The following NRXN3 variants were observed in gnomAD, a reference collection of about 807,000 sequenced individuals.
NRXN3 encodes the protein neurexin III.
NRXN3 carries 32 observed loss-of-function variants against 137.6 expected under a neutral mutation model. The ratio of observed to expected loss-of-function variants is 0.23; its 90% confidence interval spans 0.18 to 0.31. The LOEUF is 0.31. NRXN3 is among the 10% of genes least tolerant of loss of function. The pLI is 1.00. For synonymous variants in NRXN3, 798 were observed against 784.5 expected (o/e 1.02, Z -0.29); for missense variants, 1,574 against 2,062.5 (o/e 0.76, Z 4.59).
intron 3 of NRXN3, chr14:78,279,426 A>T (rs993599369): frequency 1.3e-5 from 2 of 152,246 alleles, no homozygotes; most frequent in African/African-American, 2.4e-5. Flanking sequence ...TGGTTTGGAG[A>T]CTATTCTGAA....
intron 6 of NRXN3, among the ~76,000 whole-genome samples, chr14:78,655,300 G>A (rs2097775924): frequency 6.6e-6 from 1 of 152,058 alleles, no homozygotes; most frequent in Non-Finnish European, 1.5e-5. Flanking sequence ...CAATGTTTTT[G>A]CTTATAATAA....
At chr14:79,782,847 T>C (rs2099118095) in intron 19 of NRXN3, among the ~76,000 whole-genome samples, 1 of 152,190 alleles carries the variant, frequency 6.6e-6, no homozygotes, top group African/African-American at 2.4e-5. Context: ...CCCCCTACAT[T>C]ATGACACACT....
At chr14:79,670,910 T>C (rs2098603936) in intron 17 of NRXN3, among the ~76,000 whole-genome samples, 1 of 152,124 alleles carries the variant, frequency 6.6e-6, no homozygotes, top group South Asian at 2.1e-4. Context: ...AGATTTTCCA[T>C]CTTGCTTTCT....
chr14:79,155,821 A>G (rs2153046454), intron 15 of NRXN3, among the ~76,000 whole-genome samples: 1 of 151,956 alleles, frequency 6.6e-6, no homozygotes, highest in African/African-American at 2.4e-5. Context: ...TTGCATAAGT[A>G]TAATTTGGAA....
chr14:78,599,850 A>G (rs1266955192), intron 4 of NRXN3, among the ~76,000 whole-genome samples: 2 of 152,246 alleles, frequency 1.3e-5, no homozygotes, highest in East Asian at 1.9e-4. Context: ...AAAGGGTCCC[A>G]TGAAAAGCTT....
intron 4 of NRXN3, among the ~76,000 whole-genome samples, chr14:78,609,997 ATG>A (rs1478180202): frequency 1.3e-5 from 2 of 149,532 alleles, no homozygotes; most frequent in East Asian, 4.1e-4. Flanking sequence ...ATGTAACAGA[ATG>A]TGAGATAGAG....
chr14:79,852,380 T>TA (rs1182529111), intron 20 of NRXN3, among the ~76,000 whole-genome samples: 2 of 151,966 alleles, frequency 1.3e-5, no homozygotes, highest in Non-Finnish European at 2.9e-5. Context: ...CTCCTACCCC[T>TA]AAACTGGTTT....
intron 15 of NRXN3, among the ~76,000 whole-genome samples, chr14:79,355,952 A>G (rs1017328655): frequency 1.3e-5 from 2 of 152,170 alleles, no homozygotes; most frequent in Admixed American, 6.5e-5. Flanking sequence ...GATATAATTT[A>G]TATGTGTTAT....
At chr14:78,980,362 G>A (rs1345805229) in intron 14 of NRXN3, among the ~76,000 whole-genome samples, 3 of 152,208 alleles carry the variant, frequency 2.0e-5, no homozygotes, top group Admixed American at 1.3e-4. Flanking sequence ...TGCTGCTTTA[G>A]CACTATTTAT....
intron 4 of NRXN3, among the ~76,000 whole-genome samples, chr14:78,363,589 A>C (rs959656663): frequency 6.6e-6 from 1 of 152,186 alleles, no homozygotes; most frequent in African/African-American, 2.4e-5. Flanking sequence ...ACTTGAACTC[A>C]GCCCTGACTT....
At chr14:78,653,742 C>CACACACACACACAT (rs1267331821) in intron 6 of NRXN3, among the ~76,000 whole-genome samples, 1 of 150,894 alleles carries the variant, frequency 6.6e-6, no homozygotes, top group African/African-American at 2.5e-5. Flanking sequence ...CACACACACA[C>CACACACACACACAT]ATTTTTGCTG....
intron 4 of NRXN3, among the ~76,000 whole-genome samples, chr14:78,309,106 C>G (rs1427620450): frequency 1.3e-5 from 2 of 152,032 alleles, no homozygotes; most frequent in African/African-American, 4.8e-5. Flanking sequence ...TGCGTATTGA[C>G]TGGGTAAGTT....
At chr14:78,179,828 G>GTTTTTTTTTTTT (rs2059635345) in intron 1 of NRXN3, among the ~76,000 whole-genome samples, 1 of 107,678 alleles carries the variant, frequency 9.3e-6, no homozygotes, top group Non-Finnish European at 2.0e-5. Flanking sequence ...TTTTTTGTTT[G>GTTTTTTTTTTTT]TTTCTGTTTT....
chr14:79,561,695 T>A (rs1357429878), intron 16 of NRXN3, among the ~76,000 whole-genome samples: 1 of 152,136 alleles, frequency 6.6e-6, no homozygotes, highest in Non-Finnish European at 1.5e-5. Context: ...TCCTCATGCT[T>A]TCATCAAAAG....
intron 4 of NRXN3, among the ~76,000 whole-genome samples, chr14:78,571,053 G>C (rs1035767457): frequency 1.3e-5 from 2 of 152,224 alleles, no homozygotes; most frequent in Non-Finnish European, 2.9e-5. Context: ...ATCCTGTGAT[G>C]TTGGCCTCAC....
At chr14:78,671,755 G>A (rs969373945) in intron 6 of NRXN3, among the ~76,000 whole-genome samples, 2 of 151,844 alleles carry the variant, frequency 1.3e-5, no homozygotes, top group African/African-American at 4.8e-5. Flanking sequence ...AGTTTGATTG[G>A]CTCACCATCT....
At chr14:78,345,349 G>A (rs890829238) in intron 4 of NRXN3, among the ~76,000 whole-genome samples, 4 of 152,300 alleles carry the variant, frequency 2.6e-5, no homozygotes, top group Non-Finnish European at 4.4e-5. Flanking sequence ...AATGTAAATC[G>A]CACAAGGAAG....
chr14:79,185,537 C>G, intron 15 of NRXN3, among the ~76,000 whole-genome samples: 1 of 149,886 alleles, frequency 6.7e-6, no homozygotes, highest in Non-Finnish European at 1.5e-5. Flanking sequence ...ACAATCTTGG[C>G]TCACTGCAAG....
intron 2 of NRXN3, among the ~76,000 whole-genome samples, chr14:78,258,481 T>G (rs2070078874): frequency 6.6e-6 from 1 of 151,756 alleles, no homozygotes; most frequent in Non-Finnish European, 1.5e-5. Flanking sequence ...GTGGTTGTTG[T>G]GGTGGGAAAG....
Sources: allele counts gnomAD v4.1 joint callset (sites outside exome capture counted in the v4.1 genomes callset), GRCh38; gene constraint gnomAD v4.1.1; transcripts MANE v1.5; gene names NCBI Gene and HGNC (gene_info 2026-07-23, HGNC 2026-07-21).